Variants in CDH12 observed in about 807,000 individuals in gnomAD.
CDH12 encodes cadherin 12, also known as cadherin-12.
CDH12 carries 41 observed loss-of-function variants against 74.1 expected under a neutral mutation model. The observed-to-expected ratio is 0.55, with a 90% CI of 0.43 to 0.72. The LOEUF is 0.72. CDH12 is among the 30% of genes least tolerant of loss of function. The pLI, the probability that CDH12 is intolerant of heterozygous loss-of-function variation, is 0.00. For synonymous variants in CDH12, 399 were observed against 355.0 expected, an observed-to-expected ratio of 1.12 and a Z score of -1.39; for missense variants, 945 against 977.2, an observed-to-expected ratio of 0.97 and a Z score of 0.44.
At chr5:22,619,501 C>T (rs1228754547) in intron 1 of CDH12, among the ~76,000 whole-genome samples, 1 of 151,982 alleles carries the variant, frequency 6.6e-6, no homozygotes, top group East Asian at 1.9e-4. Flanking sequence ...AATTTTGTAA[C>T]TCGTATTACC....
intron 1 of CDH12, among the ~76,000 whole-genome samples, chr5:22,513,923 G>A (rs563662610): frequency 6.7e-6 from 1 of 148,874 alleles, no homozygotes; most frequent in South Asian, 2.1e-4. Flanking sequence ...ACTCCAGCCC[G>A]GGGCCACATT....
chr5:22,847,811 A>G (rs772010560), intron 1 of CDH12, among the ~76,000 whole-genome samples: 1 of 152,156 alleles, frequency 6.6e-6, no homozygotes, highest in Non-Finnish European at 1.5e-5. Flanking sequence ...CATGTTCACT[A>G]AAACTTTAAT....
At chr5:22,516,281 T>C (rs1736802893) in intron 1 of CDH12, among the ~76,000 whole-genome samples, 1 of 152,142 alleles carries the variant, frequency 6.6e-6, no homozygotes. Flanking sequence ...TATAAATAAT[T>C]CTAATTACAG....
At chr5:22,058,907 G>A (rs948041458) in intron 5 of CDH12, among the ~76,000 whole-genome samples, 3 of 151,936 alleles carry the variant, frequency 2.0e-5, no homozygotes, top group Admixed American at 6.6e-5. Context: ...GGTTTTAGAT[G>A]GGTTCAGAAA....
At chr5:21,966,105 C>T (rs929449940) in intron 6 of CDH12, among the ~76,000 whole-genome samples, 2 of 150,812 alleles carry the variant, frequency 1.3e-5, no homozygotes. Flanking sequence ...GTGTGGTGCT[C>T]ACTTTTACCC....
At chr5:22,747,478 A>G (rs1745351516) in intron 1 of CDH12, among the ~76,000 whole-genome samples, 2 of 150,408 alleles carry the variant, frequency 1.3e-5, no homozygotes. Context: ...AAAAAAAACT[A>G]CAAAAATTGG....
At chr5:22,510,965 G>A (rs1424874594) in intron 1 of CDH12, among the ~76,000 whole-genome samples, 1 of 151,404 alleles carries the variant, frequency 6.6e-6, no homozygotes, top group African/African-American at 2.4e-5. Context: ...CATGGTCTCA[G>A]CTCACTGCAA....
intron 10 of CDH12, among the ~76,000 whole-genome samples, chr5:21,789,875 G>T (rs1456815154): frequency 6.6e-6 from 1 of 152,002 alleles, no homozygotes; most frequent in Non-Finnish European, 1.5e-5. Flanking sequence ...TCATCTCTGT[G>T]TTGCCAAGGA....
chr5:22,819,498 C>A (rs1323765173), intron 1 of CDH12, among the ~76,000 whole-genome samples: 1 of 152,076 alleles, frequency 6.6e-6, no homozygotes, highest in African/African-American at 2.4e-5. Flanking sequence ...TGGGCTACAA[C>A]TTCCATTAGA....
chr5:22,082,756 A>C (rs1045909970), intron 4 of CDH12, among the ~76,000 whole-genome samples: 8 of 152,178 alleles, frequency 5.3e-5, no homozygotes, highest in African/African-American at 1.9e-4. Context: ...AATAAAGCTG[A>C]AGTTAACTGG....
chr5:22,034,584 T>C (rs1314772994), intron 5 of CDH12, among the ~76,000 whole-genome samples: 1 of 152,118 alleles, frequency 6.6e-6, no homozygotes, highest in African/African-American at 2.4e-5. Context: ...AAGATGACAA[T>C]TAATAAAGGA....
chr5:22,067,953 G>C (rs1487858781), intron 5 of CDH12, among the ~76,000 whole-genome samples: 1 of 152,004 alleles, frequency 6.6e-6, no homozygotes, highest in African/African-American at 2.4e-5. Context: ...ACTCCAGCCT[G>C]GGTGACAGAG....
At chr5:22,744,793 G>A (rs1258110930) in intron 1 of CDH12, among the ~76,000 whole-genome samples, 1 of 151,950 alleles carries the variant, frequency 6.6e-6, no homozygotes, top group Admixed American at 6.6e-5. Flanking sequence ...ATTTTACCAA[G>A]AATTGAACTG....
At chr5:22,162,748 C>A (rs1258465771) in intron 4 of CDH12, among the ~76,000 whole-genome samples, 1 of 152,138 alleles carries the variant, frequency 6.6e-6, no homozygotes, top group African/African-American at 2.4e-5. Flanking sequence ...GGTTTGTCAG[C>A]TGCTCTAGTA....
chr5:21,996,597 T>C (rs1736316348), intron 5 of CDH12, among the ~76,000 whole-genome samples: 1 of 152,150 alleles, frequency 6.6e-6, no homozygotes, highest in South Asian at 2.1e-4. Context: ...GTTCTTTCCA[T>C]TACACCAAAT....
intron 1 of CDH12, among the ~76,000 whole-genome samples, chr5:22,750,121 A>G (rs1383664643): frequency 2.6e-5 from 4 of 152,144 alleles, no homozygotes; most frequent in African/African-American, 9.7e-5. Context: ...TAGTAGATAT[A>G]TTTGATTTAT....
chr5:22,411,731 G>C (rs958302801), intron 2 of CDH12, among the ~76,000 whole-genome samples: 5 of 151,892 alleles, frequency 3.3e-5, no homozygotes, highest in Admixed American at 3.3e-4. Flanking sequence ...ATCTAGACAA[G>C]ACAGCTTTAA....
intron 5 of CDH12, among the ~76,000 whole-genome samples, chr5:22,019,951 T>A (rs1259008591): frequency 6.6e-6 from 1 of 152,126 alleles, no homozygotes; most frequent in African/African-American, 2.4e-5. Context: ...CCAGTGGCTT[T>A]AGTCCAATGG....
chr5:22,608,777 T>C (rs1305422433), intron 1 of CDH12, among the ~76,000 whole-genome samples: 2 of 152,194 alleles, frequency 1.3e-5, no homozygotes, highest in Admixed American at 6.5e-5. Context: ...GATGGTTTTA[T>C]AAGTGGCTTC....
Sources: gnomAD v4.1 joint callset for allele counts (sites outside exome capture counted in the v4.1 genomes callset) on GRCh38, gnomAD v4.1.1 for gene constraint, MANE v1.5 for transcripts, NCBI Gene and HGNC (gene_info 2026-07-23, HGNC 2026-07-21) for gene names.